Variants in PPAT observed in about 807,000 individuals in gnomAD.
PPAT encodes the protein phosphoribosyl pyrophosphate amidotransferase, also known as amidophosphoribosyltransferase.
In PPAT, 20 loss-of-function variants were observed where a neutral mutation model predicts 60.2. The ratio of observed to expected loss-of-function variants is 0.33; its 90% CI spans 0.23 to 0.48. The LOEUF (loss-of-function observed/expected upper bound fraction) is 0.48, where lower values mean the gene tolerates loss of function less well. Ranked by LOEUF, PPAT falls within the 20% of genes least tolerant of loss-of-function variation. PPAT has a pLI of 0.99. For missense variants in PPAT, 349 were observed against 629.6 expected (o/e 0.55, Z 4.77); for synonymous variants, 194 against 215.1 (o/e 0.90, Z 0.86).
At chr4:56,431,564 T>A in intron 1 of PPAT, 1 of 958,828 alleles carries the variant, frequency 1.0e-6, no homozygotes, top group Non-Finnish European at 1.2e-6. Flanking sequence ...TCTTATAAAT[T>A]TTTAGAAGTA....
At chr4:56,401,198 C>G in intron 7 of PPAT, 132 bp downstream of exon 7, 4 of 896,860 alleles carry the variant, frequency 4.5e-6, no homozygotes, top group Non-Finnish European at 6.6e-6. Flanking sequence ...CTTGTGGGCT[C>G]AGTCCTATAT....
chr4:56,434,686 A>C (rs1409429550), intron 1 of PPAT, among the ~76,000 whole-genome samples: 1 of 152,232 alleles, frequency 6.6e-6, no homozygotes, highest in Non-Finnish European at 1.5e-5. Flanking sequence ...CAAGACGTCT[A>C]CCAATGAATC....
In PPAT at chr4:56,419,910, A is replaced by G. The variant is rs1245459118; in HGVS notation, c.129-12194T>C. ...AAGAACAGCTCAAGATCTAGGCATG[A>G]CTAAGAGTATGAAATTTTTTACTGA... On this transcript the variant is annotated intron_variant, in intron 1 of 10. Coordinates refer to ENST00000264220, the MANE Select transcript of PPAT (RefSeq NM_002703.5). 3 of 984,586 alleles carry G rather than the reference A, an allele frequency of 3.0e-6. No individual in the cohort carries two copies. The African/African-American group carries it at 5.2e-5, about 17-fold the overall frequency. The allele number at this position is 984,586 out of a possible 1,614,324, so 61.0% of individuals were successfully genotyped here.
At chr4:56,404,117 A>G in intron 3 of PPAT, 2 of 372,878 alleles carry the variant, frequency 5.4e-6, no homozygotes, top group South Asian at 4.0e-5. Context: ...GCAATAGGAA[A>G]TCTAGAAGAT....
intron 3 of PPAT, among the ~76,000 whole-genome samples, chr4:56,405,243 T>C (rs1215931979): frequency 6.6e-6 from 1 of 152,252 alleles, no homozygotes; most frequent in Non-Finnish European, 1.5e-5. Context: ...TAGTTTCCTG[T>C]CATTGTTTCC....
In PPAT at chr4:56,435,614, C is replaced by T. The variant is rs902932887; in HGVS notation, c.-137G>A. 1.3e-6 allele frequency: 2 copies of T among 1,495,674 alleles called. No individual in the cohort carries two copies. Among genetic ancestry groups the T allele is most frequent in the African/African-American group, 1.4e-5 (1 of 72,494 alleles). The allele number at this position is 1,495,674 out of a possible 1,614,324, so 92.7% of individuals were successfully genotyped here. A position where few individuals can be genotyped will look rare whatever the true frequency, so the allele number is the denominator to read the frequency against. On this transcript the variant is annotated 5_prime_UTR_variant, in exon 1 of 11. Coordinates refer to ENST00000264220, the MANE Select transcript of PPAT (RefSeq NM_002703.5). ...TCCTTCCCGAGGGTGGCCCCAGCTA[C>T]TGCGGCGGCGCGCGCTGTCCCTAGG...
intron 1 of PPAT, chr4:56,410,692 C>A (rs867020406): frequency 1.0e-6 from 1 of 985,940 alleles, no homozygotes; most frequent in African/African-American, 1.7e-5. Flanking sequence ...GGAAACAGTG[C>A]TGGGCTAAGT....
At chr4:56,421,354 G>GTAA (rs1327509889) in intron 1 of PPAT, 2 of 153,024 alleles carry the variant, frequency 1.3e-5, no homozygotes, top group Non-Finnish European at 2.9e-5. Flanking sequence ...ATATTACAAC[G>GTAA]TAATAATAAC....
At chr4:56,397,687 C>T (rs1451151255) in intron 9 of PPAT, among the ~76,000 whole-genome samples, 2 of 151,916 alleles carry the variant, frequency 1.3e-5, no homozygotes, top group Non-Finnish European at 2.9e-5. Context: ...AAAACATGTA[C>T]ACAATAAATA....
chr4:56,402,841 AAAAAAAAGG>A (rs1716148490), intron 5 of PPAT, among the ~76,000 whole-genome samples, 190 bp downstream of exon 5: 2 of 107,948 alleles, frequency 1.9e-5, no homozygotes, highest in African/African-American at 4.2e-5. Flanking sequence ...AAAAAAAAAA[AAAAAAAAGG>A]GGGGGGACTC....
chr4:56,430,996 A>T (rs189390438), intron 1 of PPAT, among the ~76,000 whole-genome samples: 20 of 148,636 alleles, frequency 1.3e-4, no homozygotes, highest in East Asian at 3.9e-4. Context: ...GCTAAGTTCT[A>T]AAAAAAAAAG....
chr4:56,402,699 C>A (rs1417532067), intron 5 of PPAT, among the ~76,000 whole-genome samples: 1 of 151,504 alleles, frequency 6.6e-6, no homozygotes, highest in African/African-American at 2.4e-5. Flanking sequence ...GCCTGTAATC[C>A]CAGCTACTCG....
intron 1 of PPAT, chr4:56,420,105 A>G (rs1270878815): frequency 3.4e-6 from 2 of 585,826 alleles, no homozygotes; most frequent in African/African-American, 4.0e-5. Context: ...AGGTTCAAGG[A>G]TCCCTTTTCC....
chr4:56,398,599 G>C (rs1348425552), intron 9 of PPAT, among the ~76,000 whole-genome samples: 3 of 150,230 alleles, frequency 2.0e-5, no homozygotes, highest in Admixed American at 2.0e-4. Context: ...ACAGGTGTGT[G>C]CCACCACGCC....
rs111596010 is a variant in PPAT, at chr4:56,399,000, T to C, written c.1236+179A>G. On this transcript the variant is annotated intron_variant, in intron 9 of 10. Coordinates refer to ENST00000264220, the MANE Select transcript of PPAT (RefSeq NM_002703.5). ...TTAATCTATTAAGGATTACATTTAA[T>C]GTAAGTGTGGCTGTGACATGTTCTT... Among the ~76,000 whole-genome samples, 3 of 152,156 alleles carry C rather than the reference T, an allele frequency of 2.0e-5. No individual in the cohort carries two copies. In the East Asian group the frequency reaches 5.8e-4, roughly 29 times the overall value.
rs777453865 is a variant in PPAT at position 56,406,573 on chromosome 4, G to T, written c.324C>A (p.Phe108Leu). ...TCTTCCCATGAAGTGTTTCAACAAC[G>T]AAGGGCTGACAATTTTCTAGTTCAC... ...GKCELENCQP[F>L]VVETLHGKIA... The change falls in exon 3 of 11, where the codon TTC becomes TTA. Residue 108 changes from phenylalanine (F) to leucine (L), a missense_variant. Phe to Leu is a conservative substitution (Grantham distance 22). Transcript: ENST00000264220. 6.2e-7 allele frequency: 1 copy of T among 1,613,682 alleles called. No individual in the cohort carries two copies. The highest frequency in any genetic ancestry group is 2.2e-5 in the East Asian group (1 of 44,870).
chr4:56,422,788 C>G (rs1717108375), intron 1 of PPAT: 1 of 152,092 alleles, frequency 6.6e-6, no homozygotes, highest in Non-Finnish European at 1.5e-5. Flanking sequence ...TAACTCAAAA[C>G]ACATAAATGA....
At chr4:56,397,498 T>G (rs2110036609) in intron 9 of PPAT, among the ~76,000 whole-genome samples, 1 of 152,306 alleles carries the variant, frequency 6.6e-6, no homozygotes, top group Middle Eastern at 3.4e-3. Context: ...CATCCCACTT[T>G]CTTCTACAGT....
chr4:56,408,483 T>C (rs1716305422), intron 1 of PPAT, among the ~76,000 whole-genome samples: 2 of 144,588 alleles, frequency 1.4e-5, no homozygotes, highest in African/African-American at 5.1e-5. Context: ...TCCTGCCTTC[T>C]CAAGTGATGA....
Sources: allele counts gnomAD v4.1 joint callset (sites outside exome capture counted in the v4.1 genomes callset), GRCh38; gene constraint gnomAD v4.1.1; transcripts MANE v1.5; gene names NCBI Gene and HGNC (gene_info 2026-07-23, HGNC 2026-07-21).